The following REDIC1 variants were observed in gnomAD, a reference collection of about 807,000 sequenced individuals.
The protein encoded by REDIC1 is HEI10 Interacting Protein 1.
At chr12:39,790,202 A>G in the REDIC1 span, among the ~76,000 whole-genome samples, 2 of 55,504 alleles carry the variant, frequency 3.6e-5, no homozygotes, top group South Asian at 7.4e-4. Flanking sequence ...CTAAGTGTAC[A>G]GTGTTTTTTT....
At chr12:39,873,784 AG>A in the REDIC1 span, among the ~76,000 whole-genome samples, 19 of 152,338 alleles carry the variant, frequency 1.2e-4, no homozygotes, top group East Asian at 3.1e-3. Context: ...AATGAAAAAA[AG>A]TTCCATAGCT....
At chr12:39,694,867 G>A in the REDIC1 span, among the ~76,000 whole-genome samples, 1 of 152,104 alleles carries the variant, frequency 6.6e-6, no homozygotes, top group East Asian at 1.9e-4. Flanking sequence ...AGAGGAGAAG[G>A]AATAGTGGGG....
At chr12:39,725,018 C>A in the REDIC1 span, among the ~76,000 whole-genome samples, 4 of 151,918 alleles carry the variant, frequency 2.6e-5, no homozygotes, top group Admixed American at 2.0e-4. Flanking sequence ...TGAAGACCAG[C>A]AATTTCCAAG....
At chr12:39,730,007 C>T in the REDIC1 span, among the ~76,000 whole-genome samples, 1 of 152,050 alleles carries the variant, frequency 6.6e-6, no homozygotes, top group East Asian at 1.9e-4. Context: ...TTTCTATTTG[C>T]TTGGTAAATA....
the REDIC1 span, among the ~76,000 whole-genome samples, chr12:39,669,414 G>T: frequency 6.6e-6 from 1 of 152,172 alleles, no homozygotes; most frequent in Non-Finnish European, 1.5e-5. Context: ...TCCTCTGGAA[G>T]TTTTTTCTCA....
At chr12:39,673,843 T>G in the REDIC1 span, among the ~76,000 whole-genome samples, 2 of 152,234 alleles carry the variant, frequency 1.3e-5, no homozygotes, top group Non-Finnish European at 2.9e-5. Flanking sequence ...AGTGGTTCAT[T>G]GTCTTTTATT....
chr12:39,794,467 G>A, the REDIC1 span, among the ~76,000 whole-genome samples: 10 of 152,134 alleles, frequency 6.6e-5, no homozygotes, highest in East Asian at 1.2e-3. Context: ...TAACTATAAC[G>A]CAATTTGATG....
At chr12:39,713,133 G>A in the REDIC1 span, among the ~76,000 whole-genome samples, 2 of 148,934 alleles carry the variant, frequency 1.3e-5, no homozygotes, top group Non-Finnish European at 3.0e-5. Flanking sequence ...GTGCATATAC[G>A]TATATATGTA....
the REDIC1 span, among the ~76,000 whole-genome samples, chr12:39,743,557 TG>T: frequency 1.3e-5 from 2 of 152,134 alleles, no homozygotes; most frequent in Non-Finnish European, 2.9e-5. Context: ...ATTATCAGAC[TG>T]GGAATTTGAA....
the REDIC1 span, chr12:39,802,230 AGGG>A: frequency 6.6e-6 from 1 of 152,108 alleles, no homozygotes; most frequent in Non-Finnish European, 1.5e-5. Context: ...ATTTTTAACA[AGGG>A]GCCCTGTATT....
chr12:39,712,424 G>A, the REDIC1 span, among the ~76,000 whole-genome samples: 2 of 112,376 alleles, frequency 1.8e-5, no homozygotes, highest in East Asian at 2.5e-4. Context: ...ATATACATAC[G>A]TATATATACA....
At chr12:39,869,031 G>A in the REDIC1 span, among the ~76,000 whole-genome samples, 2 of 152,074 alleles carry the variant, frequency 1.3e-5, no homozygotes, top group Admixed American at 6.5e-5. Context: ...GAACGATACT[G>A]AATCAAAGGT....
chr12:39,688,334 G>A, the REDIC1 span, among the ~76,000 whole-genome samples: 1 of 152,170 alleles, frequency 6.6e-6, no homozygotes, highest in African/African-American at 2.4e-5. Context: ...TGATGGAGGA[G>A]GTAACTTTTG....
At chr12:39,853,675 T>A in the REDIC1 span, among the ~76,000 whole-genome samples, 5 of 151,812 alleles carry the variant, frequency 3.3e-5, no homozygotes, top group Non-Finnish European at 5.9e-5. Flanking sequence ...TACAGCCTGG[T>A]GTTTCATCAA....
the REDIC1 span, among the ~76,000 whole-genome samples, chr12:39,797,757 C>T: frequency 1.3e-5 from 2 of 152,046 alleles, no homozygotes; most frequent in South Asian, 2.1e-4. Context: ...CACACACACA[C>T]ACACACACAC....
the REDIC1 span, chr12:39,692,143 C>G: frequency 2.7e-6 from 4 of 1,462,294 alleles, no homozygotes; most frequent in African/African-American, 1.4e-5. Flanking sequence ...TAATTTTACT[C>G]TATTTTAAAA....
At chr12:39,784,285 G>C in the REDIC1 span, among the ~76,000 whole-genome samples, 1 of 152,130 alleles carries the variant, frequency 6.6e-6, no homozygotes, top group Non-Finnish European at 1.5e-5. Context: ...TAAGCCAAAA[G>C]AACAAAGCTG....
At chr12:39,645,758 A>T in the REDIC1 span, among the ~76,000 whole-genome samples, 21 of 152,140 alleles carry the variant, frequency 1.4e-4, no homozygotes, top group Admixed American at 4.6e-4. Flanking sequence ...ATCCAGAGAG[A>T]CAAGACTTTT....
the REDIC1 span, among the ~76,000 whole-genome samples, chr12:39,843,038 C>A: frequency 8.3e-4 from 126 of 151,914 alleles, no homozygotes; most frequent in African/African-American, 3.0e-3. Context: ...GTTATTTCTA[C>A]GTTTTTTCGC....
Sources: allele counts gnomAD v4.1 joint callset (sites outside exome capture counted in the v4.1 genomes callset), GRCh38; gene constraint gnomAD v4.1.1; transcripts MANE v1.5; gene names NCBI Gene and HGNC (gene_info 2026-07-23, HGNC 2026-07-21).